The following MARCHF1 variants were observed in gnomAD, a reference collection of about 807,000 sequenced individuals.
MARCHF1 encodes membrane associated ring-CH-type finger 1, also known as E3 ubiquitin-protein ligase MARCHF1.
MARCHF1 carries 40 observed loss-of-function variants against 54.2 expected under a neutral mutation model. The observed-to-expected ratio is 0.74, with a 90% CI of 0.57 to 0.96. The LOEUF is 0.96. Among genes scored for constraint, MARCHF1 ranks in the 40% least tolerant of loss-of-function variants. The probability of loss-of-function intolerance (pLI) is 0.00; values close to 1 mark genes in which losing one functional copy is unlikely to be tolerated. For missense variants in MARCHF1, 586 were observed against 656.5 expected, an observed-to-expected ratio of 0.89 and a Z score of 1.17; for synonymous variants, 236 against 236.3, an observed-to-expected ratio of 1.00 and a Z score of 0.01.
intron 1 of MARCHF1, among the ~76,000 whole-genome samples, chr4:164,275,350 T>A (rs118149397): frequency 0.032 from 4,876 of 152,232 alleles, 183 homozygotes; most frequent in East Asian, 0.15. Context: ...CTTCACGCCC[T>A]CCTCCCAGTA....
chr4:163,595,845 C>G (rs530956009), intron 7 of MARCHF1, among the ~76,000 whole-genome samples: 3 of 151,820 alleles, frequency 2.0e-5, no homozygotes, highest in Admixed American at 2.0e-4. Context: ...AACACTGTGC[C>G]TATAGTTAAC....
chr4:164,068,735 T>G (rs1213081415), intron 2 of MARCHF1, among the ~76,000 whole-genome samples: 1 of 151,888 alleles, frequency 6.6e-6, no homozygotes, highest in Non-Finnish European at 1.5e-5. Flanking sequence ...GGTTGAGGAG[T>G]GAGGGCGCAC....
chr4:164,002,681 A>T (rs1341122859), intron 2 of MARCHF1, among the ~76,000 whole-genome samples: 1 of 151,834 alleles, frequency 6.6e-6, no homozygotes, highest in South Asian at 2.1e-4. Flanking sequence ...TCTAAAATGT[A>T]TGATAATTAA....
At chr4:163,758,403 G>A (rs1470120272) in intron 4 of MARCHF1, among the ~76,000 whole-genome samples, 2 of 152,074 alleles carry the variant, frequency 1.3e-5, no homozygotes, top group African/African-American at 4.8e-5. Context: ...GTTCAACCAA[G>A]GACATTCCAC....
chr4:164,136,908 G>T (rs1307068224), intron 1 of MARCHF1, among the ~76,000 whole-genome samples: 1 of 152,090 alleles, frequency 6.6e-6, no homozygotes, highest in Non-Finnish European at 1.5e-5. Context: ...GTGACATGGG[G>T]GTAGATATAT....
At position 164,137,156 on chromosome 4, in the gene MARCHF1, A is replaced by C. The variant is rs145649544; in HGVS notation, c.-322-25494T>G. Among the ~76,000 whole-genome samples, 276 of 152,322 alleles carry C rather than the reference A, an allele frequency of 1.8e-3. 1 individual carries two copies. The highest frequency in any genetic ancestry group is 0.01 in the Middle Eastern group (3 of 294). On this transcript the variant is annotated intron_variant, in intron 1 of 9. Transcript: ENST00000514618. The stretch of plus-strand genomic sequence containing the variant: ...TGCTATTTTAATGTTGTCAATTCAC[A>C]TTCACAGCTCTTATTATTTGCCTAA...
chr4:163,536,725 C>G (rs1738549105), intron 9 of MARCHF1, among the ~76,000 whole-genome samples: 1 of 152,106 alleles, frequency 6.6e-6, no homozygotes, highest in Non-Finnish European at 1.5e-5. Flanking sequence ...GAAACAGTGA[C>G]CAAAGCCTAT....
chr4:164,199,657 C>T (rs1340279040), intron 1 of MARCHF1, among the ~76,000 whole-genome samples: 2 of 74,156 alleles, frequency 2.7e-5, no homozygotes, highest in Non-Finnish European at 5.7e-5. Context: ...CACACACACA[C>T]ACACACACAC....
At chr4:163,929,955 T>TA (rs1246367522) in intron 3 of MARCHF1, among the ~76,000 whole-genome samples, 3 of 81,428 alleles carry the variant, frequency 3.7e-5, no homozygotes, top group Admixed American at 1.3e-4. Flanking sequence ...ATTATATATA[T>TA]TATATATAAT....
At chr4:164,266,088 C>T (rs1172671567) in intron 1 of MARCHF1, among the ~76,000 whole-genome samples, 1 of 152,074 alleles carries the variant, frequency 6.6e-6, no homozygotes, top group Non-Finnish European at 1.5e-5. Flanking sequence ...TGAACACACA[C>T]TAAATAAATG....
intron 1 of MARCHF1, among the ~76,000 whole-genome samples, chr4:164,171,591 T>C (rs1180335220): frequency 1.6e-5 from 2 of 125,890 alleles, no homozygotes; most frequent in Non-Finnish European, 3.9e-5. Context: ...TAGGAATACA[T>C]TATTTTTTCC....
At chr4:163,827,371 G>A (rs2131862) in intron 4 of MARCHF1, among the ~76,000 whole-genome samples, 45,403 of 151,870 alleles carry the variant, frequency 0.3, 7,947 homozygotes, top group Non-Finnish European at 0.41. Flanking sequence ...TGACACTTCC[G>A]TAGGAGATTA....
intron 1 of MARCHF1, among the ~76,000 whole-genome samples, chr4:164,274,092 A>G (rs960591337): frequency 6.6e-6 from 1 of 152,102 alleles, no homozygotes; most frequent in Non-Finnish European, 1.5e-5. Context: ...CCGGCAATAA[A>G]TCACAAAGTT....
rs146476165 is a variant in MARCHF1 at position 164,283,125 on chromosome 4, C to T, written c.-323+100745G>A. The stretch of plus-strand genomic sequence containing the variant: ...AGAGCAAAAATACCAATCCTTACTA[C>T]ATCCCCACCAAATACAAATCTTATT... On this transcript the variant is annotated intron_variant, in intron 1 of 9. Transcript: ENST00000514618. 4.8e-4 allele frequency among the ~76,000 whole-genome samples: 72 copies of T among 151,326 alleles called. 5 individuals are homozygous for T. Among genetic ancestry groups the T allele is most frequent in the Middle Eastern group, 3.4e-3 (1 of 294 alleles).
intron 5 of MARCHF1, among the ~76,000 whole-genome samples, chr4:163,615,868 T>C (rs1472789481): frequency 1.3e-5 from 2 of 152,094 alleles, no homozygotes; most frequent in East Asian, 1.9e-4. Context: ...GGCATTGTTA[T>C]AAAAACAGAC....
At chr4:163,607,017 A>G (rs1403465336) in intron 7 of MARCHF1, among the ~76,000 whole-genome samples, 1 of 152,022 alleles carries the variant, frequency 6.6e-6, no homozygotes, top group Non-Finnish European at 1.5e-5. Flanking sequence ...CTCTGGCCAG[A>G]CTATCTCTTC....
chr4:163,615,617 G>T (rs1024471778), intron 5 of MARCHF1, among the ~76,000 whole-genome samples: 8 of 152,112 alleles, frequency 5.3e-5, no homozygotes, highest in African/African-American at 1.9e-4. Context: ...CTGATGGAAT[G>T]GAAGAATTAA....
chr4:164,097,138 C>T (rs1755433457), intron 2 of MARCHF1, among the ~76,000 whole-genome samples: 1 of 152,148 alleles, frequency 6.6e-6, no homozygotes, highest in Admixed American at 6.6e-5. Context: ...TAATGCAAGT[C>T]TCACAACACA....
rs576568140 is a variant in MARCHF1 at position 163,596,749 on chromosome 4, T to A, written c.1011-10820A>T. Reference sequence around the variant, plus strand: ...CTCTGTTGGGTTTGAGATAGTTCAATGAATAATCATATTTAAAAGGTATTT... The same window carrying A: ...CTCTGTTGGGTTTGAGATAGTTCAAAGAATAATCATATTTAAAAGGTATTT... On this transcript the variant is annotated intron_variant, in intron 7 of 9. Transcript: ENST00000514618. 1.2e-3 allele frequency among the ~76,000 whole-genome samples: 187 copies of A among 152,242 alleles called. 2 individuals carry two copies. The highest frequency in any genetic ancestry group is 4.3e-3 in the African/African-American group (179 of 41,542).
Sources: gnomAD v4.1 joint callset for allele counts (sites outside exome capture counted in the v4.1 genomes callset) on GRCh38, gnomAD v4.1.1 for gene constraint, MANE v1.5 for transcripts, NCBI Gene and HGNC (gene_info 2026-07-23, HGNC 2026-07-21) for gene names.